Variants in PRDM1 observed in about 807,000 individuals in gnomAD.
PRDM1 encodes PR/SET domain 1.
A neutral mutation model predicts 62.8 loss-of-function variants in PRDM1; 13 were observed. The ratio of observed to expected loss-of-function variants is 0.21; its 90% CI spans 0.13 to 0.33. The LOEUF (loss-of-function observed/expected upper bound fraction) is 0.33, where lower values mean the gene tolerates loss of function less well. Among genes scored for constraint, PRDM1 ranks in the 10% least tolerant of loss-of-function variants. The pLI is 1.00. For synonymous variants in PRDM1, 396 were observed against 417.6 expected, an observed-to-expected ratio of 0.95 and a Z score of 0.63; for missense variants, 895 against 1,058.8, an observed-to-expected ratio of 0.85 and a Z score of 2.15.
intron 1 of PRDM1, 130 bp downstream of exon 1, chr6:106,086,725 GCA>G (rs1773819237): frequency 1.3e-6 from 1 of 754,594 alleles, no homozygotes; most frequent in Admixed American, 2.9e-5. Flanking sequence ...CTGCTTTAGT[GCA>G]CTTAGTGCTG....
chr6:106,003,827 G>A (rs1046724461), intron 1 of PRDM1, among the ~76,000 whole-genome samples: 2 of 152,160 alleles, frequency 1.3e-5, no homozygotes, highest in African/African-American at 2.4e-5. Flanking sequence ...TTGGACATGA[G>A]TGTACTCGGT....
rs930484165 is a variant in PRDM1 at position 106,109,384 on chromosome 6, C to T, written c.*1898C>T. The T allele has an allele frequency of 1.3e-5, 3 of 232,886 alleles. No homozygotes were observed. The highest frequency in any genetic ancestry group is 5.6e-5 in the Admixed American group (1 of 17,770). 14.4% of individuals were successfully genotyped at this position (232,886 alleles called of 1,614,324 possible). A position where few individuals can be genotyped will look rare whatever the true frequency, so the allele number is the denominator to read the frequency against. On this transcript the variant is annotated 3_prime_UTR_variant, in exon 7 of 7. Transcript: ENST00000369096. ...TTTACCGCTGCAATTTTTCTGTTTT[C>T]CTCCTTACTAAATACTGATACATTA...
intron 1 of PRDM1, among the ~76,000 whole-genome samples, chr6:106,055,317 A>G (rs1158736950): frequency 6.6e-6 from 1 of 152,200 alleles, no homozygotes; most frequent in Non-Finnish European, 1.5e-5. Context: ...ATGTGAACAA[A>G]ATCTGATCAT....
intron 1 of PRDM1, among the ~76,000 whole-genome samples, chr6:106,035,834 CT>C (rs139107804): frequency 0.24 from 36,357 of 152,036 alleles, 5,006 homozygotes; most frequent in Non-Finnish European, 0.32. Flanking sequence ...CAATCTTTGT[CT>C]TTTGATTGGA....
intron 1 of PRDM1, among the ~76,000 whole-genome samples, chr6:106,067,644 C>T (rs1482729799): frequency 6.6e-6 from 1 of 152,084 alleles, no homozygotes; most frequent in African/African-American, 2.4e-5. Context: ...TGTATGATTC[C>T]ACTTCTATGA....
chr6:106,058,241 C>T (rs908487947), intron 1 of PRDM1, among the ~76,000 whole-genome samples: 6 of 152,176 alleles, frequency 3.9e-5, no homozygotes, highest in African/African-American at 1.4e-4. Flanking sequence ...AGTCCAAGAT[C>T]AGGGTCCAGC....
chr6:106,007,652 T>C (rs552406038), intron 1 of PRDM1, among the ~76,000 whole-genome samples: 13 of 152,330 alleles, frequency 8.5e-5, no homozygotes, highest in Non-Finnish European at 1.8e-4. Context: ...AGGTGATATA[T>C]AAACTTCCCA....
chr6:106,094,918 C>T (rs1201663556), intron 2 of PRDM1, among the ~76,000 whole-genome samples: 1 of 151,610 alleles, frequency 6.6e-6, no homozygotes, highest in African/African-American at 2.4e-5. Flanking sequence ...CACACACACA[C>T]ACACACACAC....
At chr6:106,099,599 G>A (rs1344599776) in intron 4 of PRDM1, 47 bp downstream of exon 4, 4 of 1,603,100 alleles carry the variant, frequency 2.5e-6, no homozygotes, top group Middle Eastern at 1.7e-4. Flanking sequence ...AGTAATGTCG[G>A]TTCTGCCCCT....
intron 1 of PRDM1, among the ~76,000 whole-genome samples, chr6:105,999,813 A>T (rs1429876577): frequency 6.6e-6 from 1 of 152,204 alleles, no homozygotes; most frequent in African/African-American, 2.4e-5. Context: ...GAGTATTTTA[A>T]GTTATTTTTA....
At chr6:106,085,293 T>C (rs559656555), upstream of PRDM1, among the ~76,000 whole-genome samples, 6 of 152,240 alleles carry the variant, frequency 3.9e-5, no homozygotes, top group Non-Finnish European at 5.9e-5. Context: ...AACCTACCTA[T>C]GGTAAGGCAA....
Position 106,106,307 on chromosome 6 carries a change from A to G in PRDM1, c.1774-64A>G. The G allele has an allele frequency of 6.3e-7, 1 of 1,589,634 alleles. No individual in the cohort carries two copies. Among genetic ancestry groups the G allele is most frequent in the Non-Finnish European group, 8.6e-7 (1 of 1,163,828 alleles). The stretch of plus-strand genomic sequence containing the variant: ...ATTTGCATCAACACTTGAGTCTTGG[A>G]GCAGAAATGTTAGGTCTCAGAGCCA... On this transcript the variant is annotated intron_variant, in intron 5 of 6. Transcript: ENST00000369096. The surrounding 1 kb of genome is among the most constrained non-coding windows in gnomAD (Gnocchi z 4.4).
intron 1 of PRDM1, among the ~76,000 whole-genome samples, chr6:105,997,580 T>C (rs1347018577): frequency 6.6e-6 from 1 of 152,254 alleles, no homozygotes; most frequent in East Asian, 1.9e-4. Flanking sequence ...GGGTTAGCGG[T>C]GATGACACCT....
At chr6:106,061,978 G>T (rs1361762356) in intron 1 of PRDM1, among the ~76,000 whole-genome samples, 1 of 152,170 alleles carries the variant, frequency 6.6e-6, no homozygotes, top group African/African-American at 2.4e-5. Flanking sequence ...TATCAGATTG[G>T]CAAAGATGAA....
intron 2 of PRDM1, 125 bp downstream of exon 2, chr6:106,088,574 G>T (rs1582460768): frequency 1.9e-6 from 2 of 1,048,952 alleles, no homozygotes; most frequent in Non-Finnish European, 2.8e-6. Flanking sequence ...ATAATTGATT[G>T]CTCTATTCAA....
At position 106,109,824 on chromosome 6, in the gene PRDM1, T is replaced by C. The variant is rs1774637220; in HGVS notation, c.*2338T>C. The C allele has an allele frequency of 4.3e-6, 1 of 233,108 alleles. No individual in the cohort carries two copies. The highest frequency in any genetic ancestry group is 5.6e-5 in the Admixed American group (1 of 17,786). 14.4% of individuals were successfully genotyped at this position (233,108 alleles called of 1,614,324 possible). On this transcript the variant is annotated 3_prime_UTR_variant, in exon 7 of 7. Coordinates refer to ENST00000369096, the MANE Select transcript of PRDM1 (RefSeq NM_001198.4). ...GTTAAAACTGACCAAAGTTACTGGC[T>C]TTTTACTTTGCTAGAACAACAAACT...
intron 1 of PRDM1, among the ~76,000 whole-genome samples, chr6:106,028,180 C>T (rs2114564688): frequency 6.6e-6 from 1 of 152,192 alleles, no homozygotes; most frequent in East Asian, 1.9e-4. Context: ...TTTCTTTTTC[C>T]TCCAGCGGGG....
exon 1 of PRDM1, among the ~76,000 whole-genome samples, chr6:106,048,665 G>T (rs1474980566): frequency 6.6e-6 from 1 of 152,084 alleles, no homozygotes; most frequent in Non-Finnish European, 1.5e-5. Flanking sequence ...GTCAGCACAG[G>T]GTCTTATCAG....
At chr6:106,037,590 T>TG (rs1772938204) in intron 1 of PRDM1, among the ~76,000 whole-genome samples, 1 of 152,160 alleles carries the variant, frequency 6.6e-6, no homozygotes, top group Non-Finnish European at 1.5e-5. Context: ...GTCTTTGTCC[T>TG]ATTTTCAAGT....
Sources: allele counts gnomAD v4.1 joint callset (sites outside exome capture counted in the v4.1 genomes callset), GRCh38; gene constraint gnomAD v4.1.1; non-coding constraint Gnocchi (gnomAD v3.1); transcripts MANE v1.5; gene names NCBI Gene and HGNC (gene_info 2026-07-23, HGNC 2026-07-21).